Variants in GALNT18 observed in about 807,000 individuals in gnomAD.
GALNT18 encodes the protein GalNAc-transferase 18.
GALNT18 carries 44 observed loss-of-function variants against 69.5 expected under a neutral mutation model. The observed-to-expected ratio is 0.63, with a 90% confidence interval of 0.50 to 0.81. GALNT18 has a LOEUF of 0.81. GALNT18 is among the 40% of genes least tolerant of loss of function. The pLI is 0.00. For synonymous variants in GALNT18, 364 were observed against 318.2 expected, an observed-to-expected ratio of 1.14 and a Z score of -1.53; for missense variants, 715 against 810.0, an observed-to-expected ratio of 0.88 and a Z score of 1.42.
In GALNT18 at chr11:11,461,253, C is replaced by T. The variant is rs112693893; in HGVS notation, c.236-12317G>A. On this transcript the variant is annotated intron_variant, in intron 1 of 10. Transcript: ENST00000227756. The surrounding 1 kb of genome is among the most constrained non-coding windows in gnomAD (Gnocchi z 4.1). ...CTGGGCCTGGGTGTGTCTGAGTGTG[C>T]GGCTAGGATGGCTGGTGCAGGTAGG... Among the ~76,000 whole-genome samples, 6 of 152,104 alleles carry T rather than the reference C, an allele frequency of 3.9e-5. No individual in the cohort carries two copies. Among genetic ancestry groups the T allele is most frequent in the Non-Finnish European group, 5.9e-5 (4 of 68,010 alleles).
At chr11:11,397,079 T>G (rs901690875) in intron 3 of GALNT18, among the ~76,000 whole-genome samples, 1 of 152,094 alleles carries the variant, frequency 6.6e-6, no homozygotes, top group Admixed American at 6.5e-5. Context: ...TTTGCCTTTT[T>G]CGGGGTATTT....
chr11:11,315,757 T>C lies in GALNT18; in HGVS notation c.1512+11329A>G, dbSNP rs10458869. On this transcript the variant is annotated intron_variant, in intron 9 of 10. Transcript: ENST00000227756. This position sits in a 1 kb window ranked among gnomAD's most constrained non-coding sequence, Gnocchi z 5.6. ...AGAAAGATCAGATCACTTGCCCCCG[T>C]CATACATGTGGTACGGGCAGAACTG... is the stretch of plus-strand genomic sequence containing the variant. Among the ~76,000 whole-genome samples the C allele has an allele frequency of 0.21, 32,357 of 151,912 alleles. 4,182 individuals carry two copies. Among genetic ancestry groups the C allele is most frequent in the East Asian group, 0.48 (2,461 of 5,130 alleles).
chr11:11,456,169 G>A (rs902836265), intron 1 of GALNT18, among the ~76,000 whole-genome samples: 8 of 152,176 alleles, frequency 5.3e-5, no homozygotes. Flanking sequence ...TTTATCCCTG[G>A]AGCTGATTCC....
chr11:11,383,666 T>A lies in GALNT18; in HGVS notation c.596-4402A>T, dbSNP rs1853975487. On this transcript the variant is annotated intron_variant, in intron 3 of 10. Coordinates refer to ENST00000227756, the MANE Select transcript of GALNT18 (RefSeq NM_198516.3). This position sits in a 1 kb window ranked among gnomAD's most constrained non-coding sequence, Gnocchi z 5.2. ...AACAAATATTGAACACTTACTGATA[T>A]GATTTGACTCTGTGTCCCCACCCAA... Among the ~76,000 whole-genome samples the A allele has an allele frequency of 6.6e-6, 1 of 152,214 alleles. No individual in the cohort carries two copies. Among genetic ancestry groups the A allele is most frequent in the South Asian group, 2.1e-4 (1 of 4,822 alleles).
In GALNT18 at chr11:11,270,950, T is replaced by G. The variant is rs901675687; in HGVS notation, c.*194A>C. ...CCCTATTTACAACTGCAAAATAGTT[T>G]GATATCATACCATCACCTACCAATC... On this transcript the variant is annotated 3_prime_UTR_variant, in exon 11 of 11. Coordinates refer to ENST00000227756, the MANE Select transcript of GALNT18 (RefSeq NM_198516.3). 6 of 483,508 alleles carry G rather than the reference T, an allele frequency of 1.2e-5. No individual in the cohort carries two copies. The highest frequency in any genetic ancestry group is 3.8e-5 in the African/African-American group (2 of 52,778). 30.0% of individuals were successfully genotyped at this position (483,508 alleles called of 1,614,324 possible).
In GALNT18 at chr11:11,590,172, G is replaced by T. The variant is rs1859321202; in HGVS notation, c.235+31187C>A. ...TAGACTACATTTCCCAGCTTCCCTT[G>T]CAGTCAGCGGCTGCTACATGGCTGA... On this transcript the variant is annotated intron_variant, in intron 1 of 10. Coordinates refer to ENST00000227756, the MANE Select transcript of GALNT18 (RefSeq NM_198516.3). The surrounding 1 kb of genome is among the most constrained non-coding windows in gnomAD (Gnocchi z 4.4). 6.6e-6 allele frequency among the ~76,000 whole-genome samples: 1 copy of T among 152,222 alleles called. No homozygotes were observed. Among genetic ancestry groups the T allele is most frequent in the African/African-American group, 2.4e-5 (1 of 41,458 alleles).
chr11:11,330,761 C>T (rs919573375), intron 8 of GALNT18, among the ~76,000 whole-genome samples: 1 of 152,214 alleles, frequency 6.6e-6, no homozygotes, highest in South Asian at 2.1e-4. Context: ...AAACCTGTTG[C>T]ACACATGTAT....
chr11:11,509,272 T>C (rs1380542177), intron 1 of GALNT18, among the ~76,000 whole-genome samples: 2 of 152,242 alleles, frequency 1.3e-5, no homozygotes, highest in East Asian at 1.9e-4. Context: ...GAAGTTCTAA[T>C]ACCAAAATAT....
At chr11:11,551,654 TG>T (rs1858194160) in intron 1 of GALNT18, among the ~76,000 whole-genome samples, 1 of 152,172 alleles carries the variant, frequency 6.6e-6, no homozygotes, top group East Asian at 1.9e-4. Flanking sequence ...GCCCATTTTC[TG>T]GGCTGCAATA....
rs1857960681 is a variant in GALNT18 at position 11,542,938 on chromosome 11, TA to T, written c.235+78420del. 1.3e-5 allele frequency among the ~76,000 whole-genome samples: 2 copies of T among 152,356 alleles called. No homozygotes were observed. Among genetic ancestry groups the T allele is most frequent in the Admixed American group, 1.3e-4 (2 of 15,312 alleles). On this transcript the variant is annotated intron_variant, in intron 1 of 10. Transcript: ENST00000227756. This position sits in a 1 kb window ranked among gnomAD's most constrained non-coding sequence, Gnocchi z 4.3. ...GTTTCAGTGGTTGAGAAGGATCCAT[TA>T]GTTCGTGGGTGAGGAGCAGGGTGCA...
In GALNT18 at chr11:11,620,901, A is replaced by T. The variant is rs1006225568; in HGVS notation, c.235+458T>A. ...GGCAGCCTGCGGGTCTTAACTGCCA[A>T]TAGTCAGGGCCGCCGCGCGGGCATC... On this transcript the variant is annotated intron_variant, in intron 1 of 10. Transcript: ENST00000227756. The surrounding 1 kb of genome is among the most constrained non-coding windows in gnomAD (Gnocchi z 6.9). Among the ~76,000 whole-genome samples the T allele has an allele frequency of 6.6e-6, 1 of 152,172 alleles. No individual in the cohort carries two copies. The highest frequency in any genetic ancestry group is 1.5e-5 in the Non-Finnish European group (1 of 68,032).
intron 9 of GALNT18, 28 bp from the exon 10 acceptor site, chr11:11,293,221 G>A: frequency 7.6e-7 from 1 of 1,315,124 alleles, no homozygotes. Flanking sequence ...GAGAGAGTGT[G>A]GATAAATGCC....
chr11:11,577,367 T>C (rs1858950979), intron 1 of GALNT18, among the ~76,000 whole-genome samples: 1 of 152,128 alleles, frequency 6.6e-6, no homozygotes, highest in Non-Finnish European at 1.5e-5. Context: ...AGCCCTGCTG[T>C]CCAGCCCTGC....
rs1364802194 is a variant in GALNT18, at chr11:11,598,165, T to C, written c.235+23194A>G. Among the ~76,000 whole-genome samples the C allele has an allele frequency of 6.6e-6, 1 of 152,100 alleles. No individual in the cohort carries two copies. Among genetic ancestry groups the C allele is most frequent in the Non-Finnish European group, 1.5e-5 (1 of 68,022 alleles). On this transcript the variant is annotated intron_variant, in intron 1 of 10. Transcript: ENST00000227756. This position sits in a 1 kb window ranked among gnomAD's most constrained non-coding sequence, Gnocchi z 4.8. ...TTTTTGCAGTTTCTTAAGGTTGCAG[T>C]AATCTATAACAAATTACTATAATCT...
At position 11,459,887 on chromosome 11, in the gene GALNT18, G is replaced by A. The variant is rs1856003931; in HGVS notation, c.236-10951C>T. Among the ~76,000 whole-genome samples, 1 of 152,182 alleles carries A rather than the reference G, an allele frequency of 6.6e-6. No individual in the cohort carries two copies. The highest frequency in any genetic ancestry group is 2.4e-5 in the African/African-American group (1 of 41,448). ...CTCACCGGGCTAAAATCAAGGTGTTGGTAGGGCCATTCTCCTTTCTGGAAG... is the reference window on the plus strand; with the variant it reads ...CTCACCGGGCTAAAATCAAGGTGTTAGTAGGGCCATTCTCCTTTCTGGAAG... On this transcript the variant is annotated intron_variant, in intron 1 of 10. Transcript: ENST00000227756. This position sits in a 1 kb window ranked among gnomAD's most constrained non-coding sequence, Gnocchi z 5.0.
chr11:11,332,912 T>G lies in GALNT18; in HGVS notation c.1279-81A>C, dbSNP rs574523985. ...CAAACTCTACTTTGGCATGACCTTGTGCCCCCAACAAGATTCCTAGAGACT... is the reference window on the plus strand; with the variant it reads ...CAAACTCTACTTTGGCATGACCTTGGGCCCCCAACAAGATTCCTAGAGACT... On this transcript the variant is annotated intron_variant, in intron 7 of 10. Coordinates refer to ENST00000227756, the MANE Select transcript of GALNT18 (RefSeq NM_198516.3). The surrounding 1 kb of genome is among the most constrained non-coding windows in gnomAD (Gnocchi z 4.3). 1.7e-5 allele frequency: 25 copies of G among 1,507,472 alleles called. No individual in the cohort carries two copies. In the South Asian group the frequency reaches 2.9e-4, roughly 17 times the overall value. The allele number at this position is 1,507,472 out of a possible 1,614,324, so 93.4% of individuals were successfully genotyped here.
In GALNT18 at chr11:11,402,391, A is replaced by G. The variant is rs1157666599; in HGVS notation, c.596-23127T>C. On this transcript the variant is annotated intron_variant, in intron 3 of 10. Coordinates refer to ENST00000227756, the MANE Select transcript of GALNT18 (RefSeq NM_198516.3). This position sits in a 1 kb window ranked among gnomAD's most constrained non-coding sequence, Gnocchi z 4.0. ...TAATCCATGATGACAGCTTGTCTTCAATCATAAACTGCTTTTATCTTATTG... is the reference window on the plus strand; with the variant it reads ...TAATCCATGATGACAGCTTGTCTTCGATCATAAACTGCTTTTATCTTATTG... Among the ~76,000 whole-genome samples the G allele has an allele frequency of 6.6e-6, 1 of 152,274 alleles. No homozygotes were observed. The highest frequency in any genetic ancestry group is 1.5e-5 in the Non-Finnish European group (1 of 68,048).
chr11:11,585,756 A>G (rs1181775434), intron 1 of GALNT18, among the ~76,000 whole-genome samples: 1 of 152,118 alleles, frequency 6.6e-6, no homozygotes, highest in Non-Finnish European at 1.5e-5. Flanking sequence ...ACCAGGTATC[A>G]AAAAGATTTG....
rs574092113 is a variant in GALNT18, at chr11:11,477,285, A to G, written c.236-28349T>C. Among the ~76,000 whole-genome samples the G allele has an allele frequency of 5.9e-5, 9 of 152,334 alleles. No homozygotes were observed. The South Asian group carries it at 1.7e-3, about 28-fold the overall frequency. ...GCATGGGATCCCTCAATAAGCCACTATGAGGGACCAAAGGGGCAGGAACCA... is the reference window on the plus strand; with the variant it reads ...GCATGGGATCCCTCAATAAGCCACTGTGAGGGACCAAAGGGGCAGGAACCA... On this transcript the variant is annotated intron_variant, in intron 1 of 10. Coordinates refer to ENST00000227756, the MANE Select transcript of GALNT18 (RefSeq NM_198516.3).
Sources: allele counts gnomAD v4.1 joint callset (sites outside exome capture counted in the v4.1 genomes callset), GRCh38; gene constraint gnomAD v4.1.1; non-coding constraint Gnocchi (gnomAD v3.1); transcripts MANE v1.5; gene names NCBI Gene and HGNC (gene_info 2026-07-23, HGNC 2026-07-21).